NCKAP5: variants seen among roughly 807,000 people sequenced by gnomAD.
NCKAP5 encodes nck-associated protein 5.
Under a neutral mutation model 167.0 loss-of-function variants are expected in NCKAP5, and 92 were observed. The ratio of observed to expected loss-of-function variants is 0.55; its 90% CI spans 0.47 to 0.66. NCKAP5 has a LOEUF of 0.66. NCKAP5 is among the 30% of genes least tolerant of loss of function. NCKAP5 has a pLI of 0.00. For synonymous variants in NCKAP5, 891 were observed against 877.4 expected, an observed-to-expected ratio of 1.02 and a Z score of -0.27; for missense variants, 2,378 against 2,315.0, an observed-to-expected ratio of 1.03 and a Z score of -0.56.
chr2:133,422,684 A>G (rs1559472825), intron 3 of NCKAP5, among the ~76,000 whole-genome samples: 1 of 152,184 alleles, frequency 6.6e-6, no homozygotes, highest in Non-Finnish European at 1.5e-5. Context: ...ACATTTCCTG[A>G]CACTTAATGA....
the NCKAP5 span, among the ~76,000 whole-genome samples, chr2:133,582,580 T>C: frequency 6.6e-6 from 1 of 152,196 alleles, no homozygotes; most frequent in Non-Finnish European, 1.5e-5. Context: ...TTTGCTGTAG[T>C]ATGGGCAGTT....
intron 3 of NCKAP5, among the ~76,000 whole-genome samples, chr2:133,361,817 C>A (rs1247913440): frequency 6.6e-6 from 1 of 152,132 alleles, no homozygotes; most frequent in East Asian, 1.9e-4. Context: ...ATAAGTCTAG[C>A]AAATGTCTTA....
intron 3 of NCKAP5, among the ~76,000 whole-genome samples, chr2:133,382,054 G>A (rs1686562205): frequency 6.6e-6 from 1 of 152,160 alleles, no homozygotes; most frequent in Non-Finnish European, 1.5e-5. Flanking sequence ...ACACATCCAT[G>A]CCAGAACAAC....
intron 19 of NCKAP5, among the ~76,000 whole-genome samples, chr2:132,699,314 G>A (rs776795014): frequency 6.6e-6 from 1 of 152,134 alleles, no homozygotes; most frequent in Non-Finnish European, 1.5e-5. Context: ...GGAGACTATA[G>A]CTCTTTTGAC....
chr2:132,950,431 G>A (rs1282460700), intron 8 of NCKAP5, among the ~76,000 whole-genome samples: 1 of 152,114 alleles, frequency 6.6e-6, no homozygotes, highest in African/African-American at 2.4e-5. Context: ...TAGATTCCAT[G>A]TGATGATCCA....
At chr2:133,616,277 C>A in the NCKAP5 span, among the ~76,000 whole-genome samples, 1 of 146,700 alleles carries the variant, frequency 6.8e-6, no homozygotes, top group Non-Finnish European at 1.5e-5. Flanking sequence ...CAAAAGCTAG[C>A]AGAAGGCAAG....
intron 3 of NCKAP5, among the ~76,000 whole-genome samples, chr2:133,455,354 C>T (rs1691783644): frequency 6.6e-6 from 1 of 152,036 alleles, no homozygotes; most frequent in African/African-American, 2.4e-5. Flanking sequence ...CCCTTCTAGG[C>T]CTTATTGTAG....
chr2:133,381,215 T>C (rs964647753), intron 3 of NCKAP5, among the ~76,000 whole-genome samples: 3 of 152,196 alleles, frequency 2.0e-5, no homozygotes, highest in Non-Finnish European at 2.9e-5. Flanking sequence ...CCCCATTCCA[T>C]ACCAATGACA....
At chr2:133,546,858 T>A (rs72992365) in intron 2 of NCKAP5, among the ~76,000 whole-genome samples, 1 of 151,950 alleles carries the variant, frequency 6.6e-6, no homozygotes, top group Admixed American at 6.6e-5. Flanking sequence ...CTTCAAAAGA[T>A]TGAGAAAGGG....
chr2:133,128,698 A>G (rs1207477353), intron 6 of NCKAP5, among the ~76,000 whole-genome samples: 1 of 151,986 alleles, frequency 6.6e-6, no homozygotes, highest in Non-Finnish European at 1.5e-5. Context: ...CCTGGGTTCA[A>G]GTGATTCTCC....
intron 10 of NCKAP5, among the ~76,000 whole-genome samples, chr2:132,868,052 G>C (rs565088028): frequency 6.6e-6 from 1 of 152,086 alleles, no homozygotes; most frequent in African/African-American, 2.4e-5. Context: ...ATGAGCAGCA[G>C]TCAACCCCTA....
At chr2:132,831,731 G>C (rs1331105080) in intron 11 of NCKAP5, among the ~76,000 whole-genome samples, 1 of 151,614 alleles carries the variant, frequency 6.6e-6, no homozygotes, top group African/African-American at 2.4e-5. Context: ...TAATTGGCTT[G>C]GTTTTGTATT....
At chr2:132,917,594 CAT>C (rs1694984974) in intron 8 of NCKAP5, among the ~76,000 whole-genome samples, 1 of 152,166 alleles carries the variant, frequency 6.6e-6, no homozygotes, top group Non-Finnish European at 1.5e-5. Context: ...GAAGAACAAA[CAT>C]AAACTAGGCA....
chr2:132,910,300 A>C (rs1490937854), intron 8 of NCKAP5, among the ~76,000 whole-genome samples: 1 of 152,112 alleles, frequency 6.6e-6, no homozygotes, highest in Non-Finnish European at 1.5e-5. Context: ...AAAAATGTAC[A>C]ATTATTATTG....
intron 3 of NCKAP5, among the ~76,000 whole-genome samples, chr2:133,379,645 T>C (rs909209536): frequency 1.3e-5 from 2 of 152,170 alleles, no homozygotes; most frequent in African/African-American, 2.4e-5. Context: ...GTCCCTTAGT[T>C]CCTGGTACAG....
At chr2:133,494,959 A>C (rs1357059148) in intron 3 of NCKAP5, among the ~76,000 whole-genome samples, 1 of 152,160 alleles carries the variant, frequency 6.6e-6, no homozygotes, top group Non-Finnish European at 1.5e-5. Flanking sequence ...AGAGCTCTGA[A>C]GCCTGCTACC....
At chr2:132,728,292 C>A (rs1226228428) in intron 18 of NCKAP5, among the ~76,000 whole-genome samples, 3 of 152,146 alleles carry the variant, frequency 2.0e-5, no homozygotes, top group South Asian at 2.1e-4. Context: ...ATCAGGAGTT[C>A]CGTGTGTGTC....
chr2:133,452,856 G>A (rs1691635630), intron 3 of NCKAP5, among the ~76,000 whole-genome samples: 1 of 152,018 alleles, frequency 6.6e-6, no homozygotes, highest in African/African-American at 2.4e-5. Flanking sequence ...GTCATGCCCT[G>A]GTGTTAGAAG....
At chr2:133,172,218 C>T (rs1431198535) in intron 5 of NCKAP5, among the ~76,000 whole-genome samples, 1 of 152,128 alleles carries the variant, frequency 6.6e-6, no homozygotes, top group African/African-American at 2.4e-5. Context: ...GTTGATAATG[C>T]ACTATGCTGC....
Sources: allele counts gnomAD v4.1 joint callset (sites outside exome capture counted in the v4.1 genomes callset), GRCh38; gene constraint gnomAD v4.1.1; transcripts MANE v1.5; gene names NCBI Gene and HGNC (gene_info 2026-07-23, HGNC 2026-07-21).